PPFIBP2: variants seen among roughly 807,000 people sequenced by gnomAD.
The protein encoded by PPFIBP2 is PPFIB scaffold protein 2.
In PPFIBP2, 118 loss-of-function variants were observed where a neutral mutation model predicts 118.3. That is an observed-to-expected ratio of 1.00 (90% CI 0.86 to 1.16). PPFIBP2 has a LOEUF of 1.16. Among genes scored for constraint, PPFIBP2 ranks in the 50% most tolerant of loss-of-function variants. The pLI is 0.00. For synonymous variants in PPFIBP2, 414 were observed against 397.4 expected, an observed-to-expected ratio of 1.04 and a Z score of -0.50; for missense variants, 1,195 against 1,073.1, an observed-to-expected ratio of 1.11 and a Z score of -1.59.
intron 3 of PPFIBP2, among the ~76,000 whole-genome samples, chr11:7,574,953 T>C (rs1320562646): frequency 1.3e-5 from 2 of 152,162 alleles, no homozygotes; most frequent in African/African-American, 4.8e-5. Flanking sequence ...AGCTGCAGTT[T>C]ATCTGGATTC....
intron 5 of PPFIBP2, among the ~76,000 whole-genome samples, chr11:7,607,960 TAAAG>T (rs753357153): frequency 5.3e-5 from 8 of 152,104 alleles, no homozygotes; most frequent in South Asian, 2.1e-4. Flanking sequence ...AATGAGGTAA[TAAAG>T]AAAGAGAGGG....
intron 6 of PPFIBP2, among the ~76,000 whole-genome samples, chr11:7,612,334 G>A (rs1848163554): frequency 1.3e-5 from 2 of 152,194 alleles, no homozygotes; most frequent in African/African-American, 4.8e-5. Flanking sequence ...AAAGCCTCAA[G>A]ATTGCATCTC....
chr11:7,665,440 G>T, the PPFIBP2 span: 1 of 1,613,452 alleles, frequency 6.2e-7, no homozygotes, highest in Non-Finnish European at 8.5e-7. Flanking sequence ...CCGCCGTCTG[G>T]ATTAGTGGTG....
rs1194860244 is a variant in PPFIBP2, at chr11:7,544,772, TAAA to T, written c.-36-4644_-36-4642del. The stretch of plus-strand genomic sequence containing the variant: ...CTGGGCAACAGGGTGAGACTCCATC[TAAA>T]AAAAAAAAAAAAAAAAAAAAAAATC... On this transcript the variant is annotated intron_variant, in intron 1 of 23. Transcript: ENST00000299492. Among the ~76,000 whole-genome samples the T allele has an allele frequency of 1.1e-3, 93 of 86,136 alleles. 2 individuals carry two copies. Among genetic ancestry groups the T allele is most frequent in the African/African-American group, 2.8e-3 (62 of 21,886 alleles). 56.5% of individuals were successfully genotyped at this position (86,136 alleles called of 152,430 possible).
chr11:7,655,707 A>G (rs556992701), downstream of PPFIBP2, among the ~76,000 whole-genome samples: 1 of 152,100 alleles, frequency 6.6e-6, no homozygotes, highest in East Asian at 1.9e-4. Context: ...TTGAGCCCCT[A>G]AGGGCAGTGG....
At chr11:7,514,257 C>T (rs972246549) in intron 1 of PPFIBP2, 136 bp downstream of exon 1, 2 of 152,288 alleles carry the variant, frequency 1.3e-5, no homozygotes, top group African/African-American at 4.8e-5. Flanking sequence ...CTCTGTGAGC[C>T]CCGGAGCGTG....
At chr11:7,568,564 A>G (rs1855273646) in intron 3 of PPFIBP2, among the ~76,000 whole-genome samples, 2 of 152,182 alleles carry the variant, frequency 1.3e-5, no homozygotes, top group African/African-American at 4.8e-5. Flanking sequence ...CCTAGCTGCA[A>G]GGGAGGCTGG....
At chr11:7,527,062 G>T (rs1012165467) in intron 1 of PPFIBP2, among the ~76,000 whole-genome samples, 1 of 150,642 alleles carries the variant, frequency 6.6e-6, no homozygotes, top group African/African-American at 2.4e-5. Context: ...TGATCCAGGA[G>T]GACACTGGTC....
the PPFIBP2 span, chr11:7,666,575 A>G: frequency 6.4e-7 from 1 of 1,563,224 alleles, no homozygotes; most frequent in Non-Finnish European, 8.8e-7. Context: ...ACACTGAAAA[A>G]GCCCCTCCAG....
chr11:7,624,496 A>G (rs926428309), intron 7 of PPFIBP2, among the ~76,000 whole-genome samples: 8 of 152,198 alleles, frequency 5.3e-5, no homozygotes, highest in African/African-American at 1.9e-4. Flanking sequence ...GGGGTTGGTC[A>G]GATATTAACT....
chr11:7,655,448 G>C (rs1214934042), downstream of PPFIBP2: 1 of 1,289,692 alleles, frequency 7.8e-7, no homozygotes, highest in Non-Finnish European at 1.0e-6. Flanking sequence ...ACCTTCGGAA[G>C]GTACCGTGAC....
At chr11:7,642,069 T>C (rs1219049554) in intron 16 of PPFIBP2, 8 of 503,220 alleles carry the variant, frequency 1.6e-5, no homozygotes, top group Non-Finnish European at 2.4e-5. Context: ...AACTTTGCTT[T>C]GACTTCTATG....
At chr11:7,566,755 G>A (rs987574891) in intron 3 of PPFIBP2, among the ~76,000 whole-genome samples, 3 of 152,094 alleles carry the variant, frequency 2.0e-5, no homozygotes, top group Non-Finnish European at 4.4e-5. Context: ...GGGTACATGT[G>A]AAATTTCCTT....
intron 4 of PPFIBP2, among the ~76,000 whole-genome samples, chr11:7,595,365 A>G (rs975538104): frequency 1.3e-4 from 20 of 152,384 alleles, no homozygotes; most frequent in African/African-American, 4.8e-4. Context: ...AGCAAACAGT[A>G]TGAAATTGCA....
At chr11:7,524,609 C>T (rs761414364) in intron 1 of PPFIBP2, among the ~76,000 whole-genome samples, 3 of 152,200 alleles carry the variant, frequency 2.0e-5, no homozygotes, top group Non-Finnish European at 4.4e-5. Flanking sequence ...GAACTGAACA[C>T]TTTTGAAAGT....
chr11:7,618,197 C>T (rs10769810), intron 6 of PPFIBP2, among the ~76,000 whole-genome samples: 1 of 152,210 alleles, frequency 6.6e-6, no homozygotes, highest in African/African-American at 2.4e-5. Flanking sequence ...TAAAGGACAG[C>T]GGGGAAATAG....
At chr11:7,589,789 C>T (rs1228103356) in intron 3 of PPFIBP2, among the ~76,000 whole-genome samples, 1 of 152,174 alleles carries the variant, frequency 6.6e-6, no homozygotes, top group Non-Finnish European at 1.5e-5. Flanking sequence ...TTCAGAGACA[C>T]CTCAAACCTG....
At chr11:7,588,391 C>T (rs1345229194) in intron 3 of PPFIBP2, among the ~76,000 whole-genome samples, 1 of 152,188 alleles carries the variant, frequency 6.6e-6, no homozygotes, top group African/African-American at 2.4e-5. Flanking sequence ...TCCAGGATCC[C>T]AACCATAGAA....
chr11:7,532,091 C>T (rs1850748095), intron 1 of PPFIBP2, among the ~76,000 whole-genome samples: 2 of 152,090 alleles, frequency 1.3e-5, no homozygotes, highest in African/African-American at 4.8e-5. Context: ...ATCCACTCAC[C>T]TCGGCCTCCC....
Sources: gnomAD v4.1 joint callset for allele counts (sites outside exome capture counted in the v4.1 genomes callset) on GRCh38, gnomAD v4.1.1 for gene constraint, MANE v1.5 for transcripts, NCBI Gene and HGNC (gene_info 2026-07-23, HGNC 2026-07-21) for gene names.